Variants in CHUK observed in about 807,000 individuals in gnomAD.
CHUK encodes the protein inhibitor of nuclear factor kappa-B kinase subunit alpha.
CHUK carries 35 observed loss-of-function variants against 104.8 expected under a neutral mutation model. The ratio of observed to expected loss-of-function variants is 0.33; its 90% CI spans 0.26 to 0.44. The LOEUF is 0.44. Among genes scored for constraint, CHUK ranks in the 20% least tolerant of loss-of-function variants. CHUK has a pLI of 1.00. For missense variants in CHUK, 663 were observed against 902.7 expected (o/e 0.73, Z 3.40); for synonymous variants, 276 against 291.9 (o/e 0.95, Z 0.56).
At chr10:100,200,814 G>C (rs765965111) in intron 14 of CHUK, 34 bp from the exon 15 acceptor site, 1 of 1,157,216 alleles carries the variant, frequency 8.6e-7, no homozygotes, top group South Asian at 1.2e-5. Context: ...GGAAATGAAA[G>C]GCTTACCACT....
chr10:100,200,957 T>G (rs900282871), intron 14 of CHUK, among the ~76,000 whole-genome samples, 177 bp from the exon 15 acceptor site: 1 of 152,190 alleles, frequency 6.6e-6, no homozygotes, highest in Non-Finnish European at 1.5e-5. Flanking sequence ...ACACTTAATC[T>G]TTCACATAAG....
chr10:100,187,922 G>T (rs931968093), downstream of CHUK: 3 of 152,174 alleles, frequency 2.0e-5, no homozygotes, highest in African/African-American at 7.2e-5. Flanking sequence ...TGTTGTTTCA[G>T]ATCTTGCCAT....
chr10:100,224,557 C>T (rs748327753), intron 2 of CHUK, among the ~76,000 whole-genome samples: 2 of 151,970 alleles, frequency 1.3e-5, no homozygotes, highest in Non-Finnish European at 2.9e-5. Flanking sequence ...CTCCCTCGGC[C>T]TCCCAAGTAG....
intron 18 of CHUK, chr10:100,193,711 C>G: frequency 1.7e-6 from 1 of 592,276 alleles, no homozygotes; most frequent in Non-Finnish European, 3.0e-6. Flanking sequence ...ATTTCATTAT[C>G]TAGGCAGGTA....
intron 9 of CHUK, among the ~76,000 whole-genome samples, chr10:100,210,600 G>C (rs1399231967): frequency 6.6e-6 from 1 of 152,170 alleles, no homozygotes; most frequent in Non-Finnish European, 1.5e-5. Context: ...AACTGGTAGA[G>C]CTTGGATCTT....
intron 13 of CHUK, among the ~76,000 whole-genome samples, chr10:100,203,467 T>C (rs1036873277): frequency 4.6e-5 from 7 of 151,866 alleles, no homozygotes; most frequent in African/African-American, 1.4e-4. Flanking sequence ...ATCAATAATA[T>C]TAATAAAACC....
At chr10:100,189,948 G>A in intron 20 of CHUK, 1 of 236,592 alleles carries the variant, frequency 4.2e-6, no homozygotes. Context: ...CTGGGCTCAT[G>A]CAATCCTTCT....
intron 3 of CHUK, 45 bp from the exon 4 acceptor site, chr10:100,222,226 G>A (rs1268121065): frequency 2.0e-6 from 2 of 994,852 alleles, no homozygotes; most frequent in Non-Finnish European, 3.2e-6. Context: ...CAAATTGCTG[G>A]GCTGCAATAG....
chr10:100,201,713 G>A (rs1845466743), intron 14 of CHUK, among the ~76,000 whole-genome samples: 1 of 152,112 alleles, frequency 6.6e-6, no homozygotes, highest in Admixed American at 6.6e-5. Context: ...AAGTTAGCCA[G>A]GCATGGTGGT....
At chr10:100,217,222 AC>A in intron 9 of CHUK, among the ~76,000 whole-genome samples, 2 of 151,852 alleles carry the variant, frequency 1.3e-5, no homozygotes. Context: ...CCCCCAAAAA[AC>A]CAAGCAGATC....
downstream of CHUK, chr10:100,186,393 G>T: frequency 4.5e-6 from 1 of 221,936 alleles, no homozygotes; most frequent in Non-Finnish European, 8.7e-6. Flanking sequence ...ACTTGCTTCC[G>T]GCAGAGATCC....
At chr10:100,196,666 G>A (rs773719498) in intron 16 of CHUK, among the ~76,000 whole-genome samples, 13 of 152,212 alleles carry the variant, frequency 8.5e-5, no homozygotes, top group Admixed American at 3.9e-4. Context: ...CTCCCAAAGC[G>A]CTAGTATCAC....
chr10:100,193,873 G>A, intron 18 of CHUK, 111 bp downstream of exon 18: 1 of 954,986 alleles, frequency 1.0e-6, no homozygotes, highest in Non-Finnish European at 1.7e-6. Context: ...TCATCCCAAT[G>A]CAAAATATAC....
intron 11 of CHUK, 132 bp from the exon 12 acceptor site, chr10:100,205,331 A>G (rs1167060420): frequency 2.1e-6 from 2 of 944,106 alleles, no homozygotes; most frequent in African/African-American, 1.6e-5. Context: ...AACTGATGCT[A>G]AAAGAACCAC....
chr10:100,222,863 T>C lies in CHUK; in HGVS notation c.315+3A>G, dbSNP rs1321463442. ...CTCTCTCATCTCAAAACATCCACAC[T>C]ACCTTTCGGAGATCTCCTCCAGAAC... On this transcript the variant is annotated splice_donor_region_variant and intron_variant, in intron 3 of 20. Coordinates refer to ENST00000370397, the MANE Select transcript of CHUK (RefSeq NM_001278.5). The C allele has an allele frequency of 1.4e-6, 2 of 1,396,736 alleles. No homozygotes were observed. The highest frequency in any genetic ancestry group is 1.4e-5 in the African/African-American group (1 of 70,684). The allele number at this position is 1,396,736 out of a possible 1,614,324, so 86.5% of individuals were successfully genotyped here.
At chr10:100,222,604 A>G (rs1165277151) in intron 3 of CHUK, among the ~76,000 whole-genome samples, 1 of 152,214 alleles carries the variant, frequency 6.6e-6, no homozygotes, top group African/African-American at 2.4e-5. Context: ...CATTTTCTGT[A>G]AGGAACCATA....
At position 100,215,001 on chromosome 10, in the gene CHUK, G is replaced by A. The variant is rs893872903; in HGVS notation, c.933+2994C>T. ...TGTAATCCCAGCACTTTGGAAGGCC[G>A]AGGTGAGCAGATCACCTGAGGTCAG... is the stretch of plus-strand genomic sequence containing the variant. On this transcript the variant is annotated intron_variant, in intron 9 of 20. Coordinates refer to ENST00000370397, the MANE Select transcript of CHUK (RefSeq NM_001278.5). Among the ~76,000 whole-genome samples, 4 of 151,980 alleles carry A rather than the reference G, an allele frequency of 2.6e-5. No individual in the cohort carries two copies. In the South Asian group the frequency reaches 6.2e-4, roughly 24 times the overall value.
At chr10:100,201,442 AG>A (rs1486848543) in intron 14 of CHUK, among the ~76,000 whole-genome samples, 19 of 152,358 alleles carry the variant, frequency 1.2e-4, no homozygotes, top group African/African-American at 4.3e-4. Context: ...GGACAGTCCC[AG>A]GTAAACCAGG....
chr10:100,205,335 G>T lies in CHUK; in HGVS notation c.1232-136C>A, dbSNP rs1845566357. The stretch of plus-strand genomic sequence containing the variant: ...TAGATGCTAGAAACTGATGCTAAAA[G>T]AACCACTTGTTTCCATTTAATTCAG... On this transcript the variant is annotated intron_variant, in intron 11 of 20. Transcript: ENST00000370397. 3.2e-6 allele frequency: 3 copies of T among 924,088 alleles called. No individual in the cohort carries two copies. In the Admixed American group the frequency reaches 5.4e-5, roughly 17 times the overall value. The allele number at this position is 924,088 out of a possible 1,614,324, so 57.2% of individuals were successfully genotyped here.
Sources: allele counts gnomAD v4.1 joint callset (sites outside exome capture counted in the v4.1 genomes callset), GRCh38; gene constraint gnomAD v4.1.1; transcripts MANE v1.5; gene names NCBI Gene and HGNC (gene_info 2026-07-23, HGNC 2026-07-21).